Variants in KIF16B observed in about 807,000 individuals in gnomAD.
KIF16B encodes kinesin family member 16B, also known as kinesin-like protein KIF16B.
Under a neutral mutation model 156.3 loss-of-function variants are expected in KIF16B, and 98 were observed. That is an observed-to-expected ratio of 0.63 (90% CI 0.53 to 0.74). The LOEUF (loss-of-function observed/expected upper bound fraction) is 0.74. Among genes scored for constraint, KIF16B ranks in the 30% least tolerant of loss-of-function variants. KIF16B has a pLI of 0.00. For missense variants in KIF16B, 1,421 were observed against 1,606.5 expected, an observed-to-expected ratio of 0.88 and a Z score of 1.97; for synonymous variants, 564 against 583.7, an observed-to-expected ratio of 0.97 and a Z score of 0.49.
Position 16,573,305 on chromosome 20 carries a change from C to T in KIF16B, c.-30G>A. 1.9e-6 allele frequency: 3 copies of T among 1,608,472 alleles called. No individual in the cohort carries two copies. The highest frequency in any genetic ancestry group is 2.5e-6 in the Non-Finnish European group (3 of 1,178,262). ...CATCCCGAACCAGCCCGCGCGGGGTCCCACTAGCCCAGAACTCCGCGGTCG... is the reference window on the plus strand; with the variant it reads ...CATCCCGAACCAGCCCGCGCGGGGTTCCACTAGCCCAGAACTCCGCGGTCG... On this transcript the variant is annotated 5_prime_UTR_variant, in exon 1 of 26. Coordinates refer to ENST00000354981, the MANE Select transcript of KIF16B (RefSeq NM_024704.5).
intron 12 of KIF16B, among the ~76,000 whole-genome samples, chr20:16,462,636 G>A (rs1266403833): frequency 1.3e-5 from 2 of 152,170 alleles, no homozygotes; most frequent in East Asian, 3.9e-4. Flanking sequence ...AACTGATACA[G>A]GAGCTCAAAA....
At chr20:16,487,772 C>T (rs1247944231) in intron 12 of KIF16B, among the ~76,000 whole-genome samples, 1 of 152,148 alleles carries the variant, frequency 6.6e-6, no homozygotes, top group Non-Finnish European at 1.5e-5. Flanking sequence ...AGTATCCTGC[C>T]TCTCCTACTC....
intron 24 of KIF16B, among the ~76,000 whole-genome samples, chr20:16,327,218 C>T (rs1458445960): frequency 6.6e-6 from 1 of 151,586 alleles, no homozygotes; most frequent in Non-Finnish European, 1.5e-5. Flanking sequence ...AACCAAACAT[C>T]GTATGTTCTC....
At chr20:16,460,683 T>A (rs2067323495) in intron 12 of KIF16B, among the ~76,000 whole-genome samples, 1 of 151,470 alleles carries the variant, frequency 6.6e-6, no homozygotes, top group African/African-American at 2.4e-5. Flanking sequence ...AAAATGAAGA[T>A]GAAGAATGGA....
intron 25 of KIF16B, among the ~76,000 whole-genome samples, chr20:16,296,377 C>T (rs1009636927): frequency 6.6e-6 from 1 of 152,190 alleles, no homozygotes; most frequent in African/African-American, 2.4e-5. Context: ...AACCCTCCAG[C>T]TGTTTAGCAC....
intron 12 of KIF16B, among the ~76,000 whole-genome samples, chr20:16,466,431 G>A (rs189673312): frequency 1.3e-4 from 20 of 152,310 alleles, no homozygotes; most frequent in African/African-American, 4.1e-4. Flanking sequence ...TAATCCCCAC[G>A]TGTCGTGGGA....
chr20:16,496,773 A>G (rs575622460), intron 11 of KIF16B, among the ~76,000 whole-genome samples: 57 of 152,348 alleles, frequency 3.7e-4, no homozygotes, highest in African/African-American at 1.4e-3. Context: ...TTTAAAAAAT[A>G]GGGATTAAGA....
chr20:16,403,525 C>A (rs576764049), intron 17 of KIF16B, among the ~76,000 whole-genome samples: 5 of 152,086 alleles, frequency 3.3e-5, no homozygotes, highest in Admixed American at 3.3e-4. Flanking sequence ...AATGGAAAGA[C>A]CAAATAGGAA....
At chr20:16,542,553 T>C (rs1232835922) in intron 1 of KIF16B, among the ~76,000 whole-genome samples, 1 of 152,022 alleles carries the variant, frequency 6.6e-6, no homozygotes, top group African/African-American at 2.4e-5. Flanking sequence ...AAAAGACCTC[T>C]CTAAGGGGGT....
At chr20:16,460,844 C>T (rs1181312555) in intron 12 of KIF16B, among the ~76,000 whole-genome samples, 2 of 151,884 alleles carry the variant, frequency 1.3e-5, no homozygotes, top group Non-Finnish European at 2.9e-5. Context: ...TCAATAACCT[C>T]GGATGAAAAT....
intron 12 of KIF16B, among the ~76,000 whole-genome samples, chr20:16,476,906 G>T (rs764926797): frequency 4.1e-4 from 63 of 151,950 alleles, no homozygotes; most frequent in Non-Finnish European, 7.1e-4. Flanking sequence ...CTACAGGCGC[G>T]TGCCACCACA....
At chr20:16,536,289 G>T (rs2069957929) in intron 1 of KIF16B, among the ~76,000 whole-genome samples, 1 of 152,052 alleles carries the variant, frequency 6.6e-6, no homozygotes, top group Non-Finnish European at 1.5e-5. Flanking sequence ...ATTAAAAAAT[G>T]GATCATATGG....
At chr20:16,365,646 C>T (rs1356081630) in intron 22 of KIF16B, among the ~76,000 whole-genome samples, 1 of 152,082 alleles carries the variant, frequency 6.6e-6, no homozygotes. Flanking sequence ...GTCATTTCCT[C>T]CGTCAGGGGA....
intron 12 of KIF16B, among the ~76,000 whole-genome samples, chr20:16,484,894 C>A (rs1193271906): frequency 1.3e-5 from 2 of 152,036 alleles, no homozygotes; most frequent in African/African-American, 2.4e-5. Flanking sequence ...GGCAAAGGGG[C>A]AAGTAAAATA....
intron 12 of KIF16B, among the ~76,000 whole-genome samples, chr20:16,489,443 C>T (rs1007222576): frequency 6.6e-6 from 1 of 152,112 alleles, no homozygotes; most frequent in Admixed American, 6.5e-5. Context: ...AACACTGTCA[C>T]CCCAGCACTT....
At chr20:16,543,793 G>A (rs2070295935) in intron 1 of KIF16B, among the ~76,000 whole-genome samples, 1 of 152,172 alleles carries the variant, frequency 6.6e-6, no homozygotes, top group African/African-American at 2.4e-5. Context: ...TTGGAAGAAG[G>A]AGACTTAGCC....
chr20:16,454,879 G>A (rs929417969), intron 12 of KIF16B, among the ~76,000 whole-genome samples: 1 of 152,140 alleles, frequency 6.6e-6, no homozygotes, highest in African/African-American at 2.4e-5. Flanking sequence ...TCAGAAGTAG[G>A]AATCAGAACT....
At chr20:16,394,108 AT>A (rs1178457314) in intron 17 of KIF16B, among the ~76,000 whole-genome samples, 1 of 152,230 alleles carries the variant, frequency 6.6e-6, no homozygotes, top group Non-Finnish European at 1.5e-5. Context: ...TGTAACTGCC[AT>A]TCATCATTTC....
chr20:16,448,990 A>T (rs1327555128), intron 12 of KIF16B, among the ~76,000 whole-genome samples: 2 of 152,208 alleles, frequency 1.3e-5, no homozygotes, highest in African/African-American at 4.8e-5. Flanking sequence ...TCAAATAATC[A>T]AATGGGTAAA....
Sources: allele counts gnomAD v4.1 joint callset (sites outside exome capture counted in the v4.1 genomes callset), GRCh38; gene constraint gnomAD v4.1.1; transcripts MANE v1.5; gene names NCBI Gene and HGNC (gene_info 2026-07-23, HGNC 2026-07-21).